The following KCND2 variants were observed in gnomAD, a reference collection of about 807,000 sequenced individuals.
KCND2 encodes the protein potassium voltage-gated channel subfamily D member 2, also known as A-type voltage-gated potassium channel KCND2.
A neutral mutation model predicts 54.4 loss-of-function variants in KCND2; 16 were observed. That is an observed-to-expected ratio of 0.29 (90% CI 0.20 to 0.45). The LOEUF (loss-of-function observed/expected upper bound fraction) is 0.45, where lower values mean the gene tolerates loss of function less well. KCND2 is among the 20% of genes least tolerant of loss of function. The pLI, the probability that KCND2 is intolerant of heterozygous loss-of-function variation, is 1.00. For synonymous variants in KCND2, 317 were observed against 310.7 expected, an observed-to-expected ratio of 1.02 and a Z score of -0.21; for missense variants, 486 against 824.2, an observed-to-expected ratio of 0.59 and a Z score of 5.02.
chr7:120,286,814 T>A (rs1488235478), intron 1 of KCND2, among the ~76,000 whole-genome samples: 1 of 152,104 alleles, frequency 6.6e-6, no homozygotes, highest in Non-Finnish European at 1.5e-5. Flanking sequence ...ATTACTTTTT[T>A]ACTCTGTGCA....
intron 1 of KCND2, among the ~76,000 whole-genome samples, chr7:120,653,548 C>T (rs145902871): frequency 2.0e-3 from 308 of 152,182 alleles, no homozygotes; most frequent in African/African-American, 6.9e-3. Context: ...GTGTTTGGTA[C>T]CTGAAAGTTT....
At chr7:120,506,764 A>G (rs1803028481) in intron 1 of KCND2, among the ~76,000 whole-genome samples, 2 of 151,904 alleles carry the variant, frequency 1.3e-5, no homozygotes, top group African/African-American at 4.8e-5. Flanking sequence ...TACAAAGATA[A>G]CACTTTGCAG....
chr7:120,515,109 A>G (rs1803177136), intron 1 of KCND2, among the ~76,000 whole-genome samples: 1 of 152,034 alleles, frequency 6.6e-6, no homozygotes, highest in African/African-American at 2.4e-5. Context: ...GACAGATATA[A>G]ATTGCTCTCA....
At chr7:120,404,835 A>G (rs1463367717) in intron 1 of KCND2, among the ~76,000 whole-genome samples, 1 of 152,104 alleles carries the variant, frequency 6.6e-6, no homozygotes, top group Non-Finnish European at 1.5e-5. Context: ...CTCTTTCACA[A>G]ATATTGATGG....
intron 1 of KCND2, among the ~76,000 whole-genome samples, chr7:120,578,115 AAAAG>A (rs1320530773): frequency 3.3e-5 from 5 of 151,878 alleles, no homozygotes; most frequent in Non-Finnish European, 5.9e-5. Context: ...GAGGAAGAAG[AAAAG>A]AAGGAAGAAG....
chr7:120,339,366 G>A (rs1316450956), intron 1 of KCND2, among the ~76,000 whole-genome samples: 3 of 151,970 alleles, frequency 2.0e-5, no homozygotes, highest in Non-Finnish European at 2.9e-5. Flanking sequence ...TGCATGCATT[G>A]TTGGATTATA....
intron 1 of KCND2, among the ~76,000 whole-genome samples, chr7:120,682,314 A>G (rs559945493): frequency 6.6e-6 from 1 of 152,194 alleles, no homozygotes; most frequent in South Asian, 2.1e-4. Flanking sequence ...AATAAATTAT[A>G]TTATCGAGAT....
At chr7:120,309,207 C>T (rs114584107) in intron 1 of KCND2, among the ~76,000 whole-genome samples, 70 of 152,176 alleles carry the variant, frequency 4.6e-4, no homozygotes, top group African/African-American at 1.6e-3. Context: ...CCCACTGACT[C>T]ACCTCTGCAT....
rs533360182 is a variant in KCND2 at position 120,410,118 on chromosome 7, T to C, written c.1115+134371T>C. On this transcript the variant is annotated intron_variant, in intron 1 of 5. Coordinates refer to ENST00000331113, the MANE Select transcript of KCND2 (RefSeq NM_012281.3). Reference sequence around the variant, plus strand: ...TTTGCACATGGATATTACATCCAACTATTGTAGTGACAGTTGTTGAAAAGA... The same window carrying C: ...TTTGCACATGGATATTACATCCAACCATTGTAGTGACAGTTGTTGAAAAGA... Among the ~76,000 whole-genome samples, 4 of 152,084 alleles carry C rather than the reference T, an allele frequency of 2.6e-5. No homozygotes were observed. The Middle Eastern group carries it at 0.014, about 517-fold the overall frequency.
intron 1 of KCND2, among the ~76,000 whole-genome samples, chr7:120,643,527 T>C (rs1203191650): frequency 6.6e-6 from 1 of 152,118 alleles, no homozygotes; most frequent in Non-Finnish European, 1.5e-5. Context: ...TTATGAGGGA[T>C]TTTAAGAAAG....
At chr7:120,375,894 G>A (rs1800829742) in intron 1 of KCND2, among the ~76,000 whole-genome samples, 1 of 151,678 alleles carries the variant, frequency 6.6e-6, no homozygotes, top group African/African-American at 2.4e-5. Context: ...GGGCTTTAGT[G>A]GGAAAATAAT....
chr7:120,423,214 A>G (rs1313364621), intron 1 of KCND2, among the ~76,000 whole-genome samples: 1 of 152,192 alleles, frequency 6.6e-6, no homozygotes, highest in African/African-American at 2.4e-5. Flanking sequence ...TTCCTAAACC[A>G]GAAGGGCATT....
At chr7:120,422,616 G>A (rs1183034361) in intron 1 of KCND2, among the ~76,000 whole-genome samples, 1 of 152,080 alleles carries the variant, frequency 6.6e-6, no homozygotes, top group Non-Finnish European at 1.5e-5. Context: ...CCTGTTTTCT[G>A]GACTCTACCT....
intron 1 of KCND2, among the ~76,000 whole-genome samples, chr7:120,662,852 T>C (rs990700466): frequency 2.6e-5 from 4 of 152,210 alleles, no homozygotes; most frequent in South Asian, 4.1e-4. Context: ...TAGATCCCAA[T>C]GCTTTTGAAC....
At chr7:120,403,575 C>G (rs990816337) in intron 1 of KCND2, among the ~76,000 whole-genome samples, 2 of 151,472 alleles carry the variant, frequency 1.3e-5, no homozygotes, top group Admixed American at 1.3e-4. Context: ...AATGATCCAC[C>G]TGCCTAGGCC....
In KCND2 at chr7:120,696,893, C is replaced by T. The variant is rs181122739; in HGVS notation, c.1116-36010C>T. On this transcript the variant is annotated intron_variant, in intron 1 of 5. Transcript: ENST00000331113. The stretch of plus-strand genomic sequence containing the variant: ...AGTCTCAGGTATTCCATTACAGCAA[C>T]ACAAAATAGATTAAAACAGTCAGTA... 5.4e-3 allele frequency among the ~76,000 whole-genome samples: 820 copies of T among 152,240 alleles called. 6 individuals are homozygous for T. Among genetic ancestry groups the T allele is most frequent in the Middle Eastern group, 0.02 (6 of 294 alleles).
intron 2 of KCND2, among the ~76,000 whole-genome samples, chr7:120,735,948 G>A (rs1792864407): frequency 6.6e-6 from 1 of 151,964 alleles, no homozygotes; most frequent in Non-Finnish European, 1.5e-5. Flanking sequence ...AAAAAAAGCA[G>A]AACAAACGCC....
chr7:120,426,178 A>C (rs1801703426), intron 1 of KCND2, among the ~76,000 whole-genome samples: 1 of 152,136 alleles, frequency 6.6e-6, no homozygotes, highest in Non-Finnish European at 1.5e-5. Context: ...AAACAAAATA[A>C]AAATTAAGCT....
intron 1 of KCND2, among the ~76,000 whole-genome samples, chr7:120,635,417 G>A (rs555430329): frequency 5.2e-4 from 79 of 152,280 alleles, no homozygotes; most frequent in South Asian, 2.3e-3. Context: ...AATATTCAGT[G>A]CAGTGACAGT....
Sources: gnomAD v4.1 joint callset for allele counts (sites outside exome capture counted in the v4.1 genomes callset) on GRCh38, gnomAD v4.1.1 for gene constraint, MANE v1.5 for transcripts, NCBI Gene and HGNC (gene_info 2026-07-23, HGNC 2026-07-21) for gene names.